Variants in TPRG1 observed in about 807,000 individuals in gnomAD.
TPRG1 encodes the protein tumor protein p63 regulated 1.
A neutral mutation model predicts 29.3 loss-of-function variants in TPRG1; 29 were observed. That is an observed-to-expected ratio of 0.99 (90% confidence interval 0.74 to 1.35). The LOEUF (loss-of-function observed/expected upper bound fraction) is 1.35, where lower values mean the gene tolerates loss of function less well. TPRG1 is among the 40% of genes most tolerant of loss of function. TPRG1 has a pLI of 0.00. For missense variants in TPRG1, 327 were observed against 335.0 expected, an observed-to-expected ratio of 0.98 and a Z score of 0.19; for synonymous variants, 130 against 116.8, an observed-to-expected ratio of 1.11 and a Z score of -0.73.
chr3:189,126,185 C>A (rs908536842), intron 1 of TPRG1, among the ~76,000 whole-genome samples: 2 of 152,046 alleles, frequency 1.3e-5, no homozygotes, highest in Non-Finnish European at 2.9e-5. Context: ...CAATGAGGTG[C>A]TGACACCAGG....
intron 2 of TPRG1, among the ~76,000 whole-genome samples, chr3:189,003,962 AT>A (rs1712160056): frequency 6.6e-6 from 1 of 152,136 alleles, no homozygotes; most frequent in South Asian, 2.1e-4. Context: ...ATCTTACCAT[AT>A]GGCCCTTGCC....
chr3:189,148,038 G>A (rs910566584), intron 4 of TPRG1, among the ~76,000 whole-genome samples: 2 of 152,194 alleles, frequency 1.3e-5, no homozygotes, highest in Non-Finnish European at 2.9e-5. Flanking sequence ...GGGAATACAA[G>A]GCTGCCTAAG....
chr3:189,069,706 TTTC>T (rs1377901439), intron 4 of TPRG1, among the ~76,000 whole-genome samples: 1 of 152,178 alleles, frequency 6.6e-6, no homozygotes, highest in Non-Finnish European at 1.5e-5. Flanking sequence ...TCATAGCAAC[TTTC>T]TTCATAATAG....
chr3:189,080,869 T>C (rs1412413205), intron 4 of TPRG1, among the ~76,000 whole-genome samples: 1 of 151,486 alleles, frequency 6.6e-6, no homozygotes. Context: ...GAAAATGGTA[T>C]TGAAGGAAGA....
At chr3:189,231,943 T>TTTTGTGTGTGTGTG (rs984741268) in intron 3 of TPRG1, among the ~76,000 whole-genome samples, 1 of 147,588 alleles carries the variant, frequency 6.8e-6, no homozygotes, top group African/African-American at 2.5e-5. Flanking sequence ...CAAACCTGGT[T>TTTTGTGTGTGTGTG]TGTGTGTGTG....
At chr3:189,290,101 G>C (rs779552720) in intron 4 of TPRG1, among the ~76,000 whole-genome samples, 2 of 152,146 alleles carry the variant, frequency 1.3e-5, no homozygotes, top group Non-Finnish European at 2.9e-5. Flanking sequence ...ATGGCAGTGG[G>C]GGTGTTCTAC....
rs191449843 is a variant in TPRG1 at position 189,128,781 on chromosome 3, T to G, written c.-590+1571T>G. Among the ~76,000 whole-genome samples, 28 of 152,258 alleles carry G rather than the reference T, an allele frequency of 1.8e-4. No individual in the cohort carries two copies. The East Asian group carries it at 4.8e-3, about 26-fold the overall frequency. ...CTCAGTTATTTTATTATTAGCATTATTTTTTGAGACAGAGTTTCGCTCTTG... is the reference window on the plus strand; with the variant it reads ...CTCAGTTATTTTATTATTAGCATTAGTTTTTGAGACAGAGTTTCGCTCTTG... On this transcript the variant is annotated intron_variant, in intron 2 of 6. Coordinates refer to the TPRG1 transcript ENST00000412373.
chr3:189,247,327 A>G (rs1443768650), intron 4 of TPRG1, among the ~76,000 whole-genome samples: 2 of 151,642 alleles, frequency 1.3e-5, no homozygotes, highest in African/African-American at 4.8e-5. Flanking sequence ...TATAGGTTTT[A>G]TTTTCTTAAG....
rs541963240 is a variant in TPRG1, at chr3:189,069,347, G to T, written c.-463+45401G>T. 2.5e-4 allele frequency among the ~76,000 whole-genome samples: 38 copies of T among 152,286 alleles called. 1 individual carries two copies. Among genetic ancestry groups the T allele is most frequent in the African/African-American group, 8.9e-4 (37 of 41,558 alleles). On this transcript the variant is annotated intron_variant, in intron 4 of 10. Coordinates refer to the TPRG1 transcript ENST00000433971. ...AGGTTAATGGTTACCAGGGATAAAG[G>T]TAGGAGTGGGCCAGACGACAGTGAG...
intron 1 of TPRG1, among the ~76,000 whole-genome samples, chr3:189,123,074 G>T (rs1275086283): frequency 6.6e-6 from 1 of 152,124 alleles, no homozygotes; most frequent in Non-Finnish European, 1.5e-5. Context: ...CAGTCCAGTG[G>T]TGTTTTTCTC....
Position 189,143,989 on chromosome 3 carries a change from C to G in TPRG1, c.-290-3595C>G, listed in dbSNP as rs75919819. On this transcript the variant is annotated intron_variant, in intron 3 of 6. Transcript: ENST00000412373. The stretch of plus-strand genomic sequence containing the variant: ...CATTTCCTCTCTGTGTAGCTTCCTA[C>G]TTTAGGATCTTCAGGAACTCTTCCC... Among the ~76,000 whole-genome samples the G allele has an allele frequency of 5.9e-3, 901 of 152,264 alleles. 7 individuals carry two copies. The highest frequency in any genetic ancestry group is 0.02 in the African/African-American group (829 of 41,562).
intron 5 of TPRG1, among the ~76,000 whole-genome samples, chr3:189,316,413 A>G (rs751946298): frequency 2.0e-5 from 3 of 152,156 alleles, no homozygotes; most frequent in Non-Finnish European, 4.4e-5. Context: ...TTCCTTCCAT[A>G]CACAGGGAGG....
chr3:189,052,632 C>G (rs1715398794), intron 4 of TPRG1, among the ~76,000 whole-genome samples: 1 of 152,196 alleles, frequency 6.6e-6, no homozygotes, highest in Non-Finnish European at 1.5e-5. Context: ...GAAAAAGATA[C>G]TTTCACATGC....
intron 4 of TPRG1, among the ~76,000 whole-genome samples, chr3:189,283,533 A>C (rs1225493310): frequency 6.6e-6 from 1 of 152,226 alleles, no homozygotes; most frequent in Non-Finnish European, 1.5e-5. Context: ...AAAGAGAGTA[A>C]CTGAATACAT....
intron 4 of TPRG1, among the ~76,000 whole-genome samples, chr3:189,034,549 A>G (rs1714137326): frequency 6.6e-6 from 1 of 152,190 alleles, no homozygotes; most frequent in African/African-American, 2.4e-5. Context: ...AGAATGACAG[A>G]ACTGTGGTGA....
In TPRG1 at chr3:189,206,060, TTTC is replaced by T. The variant is rs535005710; in HGVS notation, c.-9-1313_-9-1311del. 7.3e-4 allele frequency among the ~76,000 whole-genome samples: 62 copies of T among 84,774 alleles called. No individual in the cohort carries two copies. In the South Asian group the frequency reaches 0.03, roughly 41 times the overall value. 55.6% of individuals were successfully genotyped at this position (84,774 alleles called of 152,430 possible). A position where few individuals can be genotyped will look rare whatever the true frequency, so the allele number is the denominator to read the frequency against. On this transcript the variant is annotated intron_variant, in intron 1 of 5. Coordinates refer to ENST00000345063, the MANE Select transcript of TPRG1 (RefSeq NM_198485.4). Reference sequence around the variant, plus strand: ...CCTTCCTTCCTTTCTTCTGTCTTTCTTTCTTTTTTCTTTCTTTCTTTTTCTTTC... The same window carrying T: ...CCTTCCTTCCTTTCTTCTGTCTTTCTTTTTTTCTTTCTTTCTTTTTCTTTC...
intron 1 of TPRG1, among the ~76,000 whole-genome samples, chr3:189,102,642 T>C (rs1288215800): frequency 3.9e-5 from 6 of 152,232 alleles, no homozygotes; most frequent in Non-Finnish European, 2.9e-5. Flanking sequence ...TTTTATAGCT[T>C]TAAGAGATAA....
chr3:189,136,874 T>A (rs1016710155), intron 3 of TPRG1, among the ~76,000 whole-genome samples: 4 of 152,192 alleles, frequency 2.6e-5, no homozygotes, highest in African/African-American at 9.7e-5. Flanking sequence ...ATTACCTTAT[T>A]TGGTCTCCAC....
chr3:189,092,802 C>T (rs769613964), intron 4 of TPRG1, among the ~76,000 whole-genome samples: 1 of 152,090 alleles, frequency 6.6e-6, no homozygotes, highest in Non-Finnish European at 1.5e-5. Flanking sequence ...TCAAAATAAC[C>T]AAATTAACAT....
Sources: gnomAD v4.1 joint callset for allele counts (sites outside exome capture counted in the v4.1 genomes callset) on GRCh38, gnomAD v4.1.1 for gene constraint, MANE v1.5 for transcripts, NCBI Gene and HGNC (gene_info 2026-07-23, HGNC 2026-07-21) for gene names.